SPTBN5: variants seen among roughly 807,000 people sequenced by gnomAD.
SPTBN5 encodes spectrin beta chain, non-erythrocytic 5.
A neutral mutation model predicts 477.6 loss-of-function variants in SPTBN5; 513 were observed. That is an observed-to-expected ratio of 1.07 (90% CI 1.00 to 1.16). The LOEUF (loss-of-function observed/expected upper bound fraction) is 1.16. SPTBN5 is among the 50% of genes most tolerant of loss of function. The pLI is 0.00. For synonymous variants in SPTBN5, 2,169 were observed against 2,011.7 expected (o/e 1.08, Z -2.09); for missense variants, 5,062 against 4,731.8 (o/e 1.07, Z -2.05).
rs1198861481 is a variant in SPTBN5 at position 41,861,792 on chromosome 15, G to A, written c.7680C>T (p.Ser2560=). The A allele has an allele frequency of 1.9e-6, 3 of 1,564,372 alleles. No homozygotes were observed. Among genetic ancestry groups the A allele is most frequent in the Non-Finnish European group, 2.6e-6 (3 of 1,158,816 alleles). Residue 2560 remains serine, a synonymous_variant, in exon 45 of 68, where the codon AGC becomes AGT. Transcript: ENST00000320955. ...GATGCTCCTGCCAGGCCCCTTCCAG[G>A]CTGCTCAGCTCCTGTTCTAAGCCAG... ...VLAGLEQELS[S]LEGAWQEHQL...
rs762310734 is a variant in SPTBN5 at position 41,867,097 on chromosome 15, C to T, written c.6342G>A (p.Thr2114=). ...KEAALRERLK[T]LRRPRVRDRL... ...GGTCCCGCACCCGGGGGCGCCGGAG[C>T]GTCTTCAGCCGCTCACGCAGGGCTG... Residue 2114 remains threonine, a synonymous_variant, in exon 36 of 68, where the codon ACG becomes ACA. Transcript: ENST00000320955. 17 of 1,541,078 alleles carry T rather than the reference C, an allele frequency of 1.1e-5. No homozygotes were observed. Among genetic ancestry groups the T allele is most frequent in the South Asian group, 6.0e-5 (5 of 83,772 alleles).
chr15:41,881,245 A>G lies in SPTBN5; in HGVS notation c.2458-11T>C. 1 of 1,595,922 alleles carries G rather than the reference A, an allele frequency of 6.3e-7. No individual in the cohort carries two copies. Among genetic ancestry groups the G allele is most frequent in the Non-Finnish European group, 8.5e-7 (1 of 1,172,132 alleles). On this transcript the variant is annotated splice_polypyrimidine_tract_variant and intron_variant, in intron 12 of 67. Transcript: ENST00000320955. The stretch of plus-strand genomic sequence containing the variant: ...CAGGGCAGAGTTCACCTGTGTGACA[A>G]AGGGCAGCGCGTCTACAGGCGACCC...
chr15:41,848,466 G>C lies in SPTBN5; in HGVS notation c.*150C>G. ...CATGGTAGGACCCATCTAACCAGAA[G>C]GAACTGTCTATTCCAGAAGCTGGGC... On this transcript the variant is annotated 3_prime_UTR_variant, in exon 68 of 68. Coordinates refer to ENST00000320955, the MANE Select transcript of SPTBN5 (RefSeq NM_016642.4). 1 of 886,612 alleles carries C rather than the reference G, an allele frequency of 1.1e-6. No individual in the cohort carries two copies. The highest frequency in any genetic ancestry group is 2.5e-5 in the East Asian group (1 of 40,810). The allele number at this position is 886,612 out of a possible 1,614,324, so 54.9% of individuals were successfully genotyped here. A position where few individuals can be genotyped will look rare whatever the true frequency, so the allele number is the denominator to read the frequency against.
chr15:41,886,811 G>A (rs575968993), intron 6 of SPTBN5, among the ~76,000 whole-genome samples: 67 of 152,230 alleles, frequency 4.4e-4, no homozygotes, highest in Non-Finnish European at 7.5e-4. Context: ...TGTCCAGAGA[G>A]TAAGGAAGCC....
intron 11 of SPTBN5, 39 bp downstream of exon 11, chr15:41,882,230 G>A (rs1176421977): frequency 3.2e-5 from 21 of 658,760 alleles, no homozygotes; most frequent in African/African-American, 2.0e-4. Context: ...CCGCCTCGCC[G>A]GGCCCCGCCC....
intron 12 of SPTBN5, among the ~76,000 whole-genome samples, chr15:41,881,694 G>A (rs1372905926): frequency 1.3e-5 from 2 of 152,218 alleles, no homozygotes; most frequent in African/African-American, 4.8e-5. Flanking sequence ...CCGGCAACAG[G>A]AGCCAGGCCA....
At chr15:41,887,135 C>A in intron 6 of SPTBN5, 78 bp downstream of exon 6, 1 of 1,324,420 alleles carries the variant, frequency 7.6e-7, no homozygotes, top group East Asian at 2.5e-5. Flanking sequence ...ACAGCTAGTA[C>A]GTGGCAGGGC....
chr15:41,873,817 C>T (rs1197659530), intron 25 of SPTBN5, 28 bp downstream of exon 25: 6 of 1,606,294 alleles, frequency 3.7e-6, no homozygotes, highest in Middle Eastern at 3.4e-4. Flanking sequence ...TCTGCCTCTT[C>T]CCCCAACCCC....
At chr15:41,888,463 C>A (rs1426435627) in intron 4 of SPTBN5, among the ~76,000 whole-genome samples, 1 of 152,146 alleles carries the variant, frequency 6.6e-6, no homozygotes, top group Non-Finnish European at 1.5e-5. Flanking sequence ...GAAACTGGGT[C>A]CCGTCACTGC....
rs373124886 is a variant in SPTBN5 at position 41,852,769 on chromosome 15, T to TC, written c.10348-35_10348-34insG. On this transcript the variant is annotated intron_variant, in intron 60 of 67. Transcript: ENST00000320955. ...AAGCATGTTCAGGTGACGCCCAGCT[T>TC]GGGGGGGGGGGCCCAGAGCCTGGTA... 2.1e-3 allele frequency: 2,658 copies of TC among 1,275,790 alleles called. 31 individuals are homozygous for TC. The African/African-American group carries it at 0.034, about 16-fold the overall frequency. The allele number at this position is 1,275,790 out of a possible 1,614,324, so 79.0% of individuals were successfully genotyped here.
chr15:41,867,702 G>A lies in SPTBN5; in HGVS notation c.6208-60C>T, dbSNP rs1239018298. The stretch of plus-strand genomic sequence containing the variant: ...TTCCAGCCAGCCAGCCCCTCCAGCT[G>A]CAGTCTGTGCCCATGGGCACTCTGG... On this transcript the variant is annotated intron_variant, in intron 34 of 67. Transcript: ENST00000320955. The A allele has an allele frequency of 6.6e-6, 10 of 1,513,246 alleles. No homozygotes were observed. The Admixed American group carries it at 1.3e-4, about 20-fold the overall frequency. The allele number at this position is 1,513,246 out of a possible 1,614,324, so 93.7% of individuals were successfully genotyped here. A position where few individuals can be genotyped will look rare whatever the true frequency, so the allele number is the denominator to read the frequency against.
chr15:41,893,176 C>G (rs1435181856), intron 2 of SPTBN5, 106 bp downstream of exon 2: 12 of 1,574,212 alleles, frequency 7.6e-6, no homozygotes, highest in Middle Eastern at 1.7e-4. Flanking sequence ...GCTCTGGCCT[C>G]AGCTTGGCCT....
intron 34 of SPTBN5, 140 bp downstream of exon 34, chr15:41,867,929 G>T: frequency 8.3e-7 from 1 of 1,201,078 alleles, no homozygotes; most frequent in Non-Finnish European, 1.1e-6. Flanking sequence ...CTTCACCATG[G>T]CCACCTGGAA....
rs1228174575 is a variant in SPTBN5 at position 41,885,728 on chromosome 15, G to A, written c.1520+7C>T. 1 of 1,550,652 alleles carries A rather than the reference G, an allele frequency of 6.4e-7. No individual in the cohort carries two copies. Among genetic ancestry groups the A allele is most frequent in the Admixed American group, 2.0e-5 (1 of 51,244 alleles). On this transcript the variant is annotated splice_region_variant and intron_variant, in intron 7 of 67. Coordinates refer to ENST00000320955, the MANE Select transcript of SPTBN5 (RefSeq NM_016642.4). Reference sequence around the variant, plus strand: ...GCTGTGGGGAGAGTTCATGTGCTGGGGCTCACCTGCGGGCCACATCTGCCC... The same window carrying A: ...GCTGTGGGGAGAGTTCATGTGCTGGAGCTCACCTGCGGGCCACATCTGCCC...
At position 41,857,028 on chromosome 15, in the gene SPTBN5, A is replaced by G. The variant is rs762738373; in HGVS notation, c.8633T>C (p.Leu2878Pro). 3.7e-6 allele frequency: 6 copies of G among 1,602,966 alleles called. No individual in the cohort carries two copies. Among genetic ancestry groups the G allele is most frequent in the Admixed American group, 1.7e-5 (1 of 58,654 alleles). Residue 2878 changes from leucine (L) to proline (P), a missense_variant, in exon 52 of 68, where the codon CTG becomes CCG. Transcript: ENST00000320955. ...CCTGCGCTCCTGCAGGGGCTCCCTC[A>G]GGCTCTTGAACCTGCAGCGGTGGAG... ...ARRLLQRFKSLREPLQERRTA... is the reference protein window; with the variant it reads ...ARRLLQRFKSPREPLQERRTA...
rs147830301 is a variant in SPTBN5 at position 41,854,044 on chromosome 15, C to T, written c.9774+6G>A. The T allele has an allele frequency of 5.1e-6, 8 of 1,556,974 alleles. No individual in the cohort carries two copies. Among genetic ancestry groups the T allele is most frequent in the Middle Eastern group, 1.8e-4 (1 of 5,648 alleles). Reference sequence around the variant, plus strand: ...AGACAGGCAGGCTGCAGGGCGTGGGCCTCACCTCCAGGCGCCTGTGCTGTT... The same window carrying T: ...AGACAGGCAGGCTGCAGGGCGTGGGTCTCACCTCCAGGCGCCTGTGCTGTT... On this transcript the variant is annotated splice_donor_region_variant and intron_variant, in intron 57 of 67. Coordinates refer to ENST00000320955, the MANE Select transcript of SPTBN5 (RefSeq NM_016642.4).
chr15:41,858,813 C>T, intron 48 of SPTBN5, 65 bp from the exon 49 acceptor site: 1 of 1,558,126 alleles, frequency 6.4e-7, no homozygotes, highest in Non-Finnish European at 8.7e-7. Context: ...CTCTGGGATA[C>T]CCCAGAGGAA....
chr15:41,878,554 T>C lies in SPTBN5; in HGVS notation c.3258A>G (p.Gln1086=), dbSNP rs777797922. The C allele has an allele frequency of 6.2e-7, 1 of 1,612,916 alleles. No homozygotes were observed. Among genetic ancestry groups the C allele is most frequent in the South Asian group, 1.1e-5 (1 of 90,980 alleles). ...QVETLQGLLK[Q]VQEQVAQRAR... ...CCCGTTGGGCCACTTGTTCCTGTAC[T>C]TGCTTCAGCAGCCCCTGCAGTGTCT... Residue 1086 remains glutamine, a synonymous_variant, in exon 17 of 68, where the codon CAA becomes CAG. Coordinates refer to ENST00000320955, the MANE Select transcript of SPTBN5 (RefSeq NM_016642.4).
Position 41,853,790 on chromosome 15 carries a change from G to T in SPTBN5, c.9775-3C>A. ...TTCTCCATAGCTTCCAGCTCTCTCT[G>T]CAACCAGAGCATGAGATCAGGCCTC... On this transcript the variant is annotated splice_polypyrimidine_tract_variant and splice_region_variant and intron_variant, in intron 57 of 67. Coordinates refer to ENST00000320955, the MANE Select transcript of SPTBN5 (RefSeq NM_016642.4). 1 of 1,554,562 alleles carries T rather than the reference G, an allele frequency of 6.4e-7. No individual in the cohort carries two copies.
Sources: allele counts gnomAD v4.1 joint callset (sites outside exome capture counted in the v4.1 genomes callset), GRCh38; gene constraint gnomAD v4.1.1; transcripts MANE v1.5; gene names NCBI Gene and HGNC (gene_info 2026-07-23, HGNC 2026-07-21).